Variants in SALL2 observed in about 807,000 individuals in gnomAD.
SALL2 encodes the protein spalt like transcription factor 2, also known as sal-like protein 2.
Under a neutral mutation model 58.5 loss-of-function variants are expected in SALL2, and 32 were observed. The ratio of observed to expected loss-of-function variants is 0.55; its 90% CI spans 0.41 to 0.74. SALL2 has a LOEUF of 0.74. SALL2 is among the 30% of genes least tolerant of loss of function. The pLI is 0.00. For synonymous variants in SALL2, 516 were observed against 513.6 expected (o/e 1.00, Z -0.06); for missense variants, 1,201 against 1,268.9 (o/e 0.95, Z 0.81).
chr14:21,523,359 C>G lies in SALL2; in HGVS notation c.2363G>C (p.Ser788Thr). The change falls in exon 2 of 2, where the codon AGT becomes ACT. Residue 788 changes from serine to threonine, a missense_variant. Transcript: ENST00000537235. This position sits in a 1 kb window ranked among gnomAD's most constrained non-coding sequence, Gnocchi z 4.4. ...CACTGATATTGCCTTCTCACCTCCA[C>G]TCTCTGAGCCTCTCCCTGCCAGGGA... is the stretch of plus-strand genomic sequence containing the variant. Reference protein sequence around the residue: ...EDSLAGRGSESGGEKAISVRG... With the variant: ...EDSLAGRGSETGGEKAISVRG... 2.5e-6 allele frequency: 4 copies of G among 1,613,642 alleles called. No individual in the cohort carries two copies. The highest frequency in any genetic ancestry group is 3.4e-6 in the Non-Finnish European group (4 of 1,180,030).
chr14:21,522,159 G>A lies in SALL2; in HGVS notation c.*545C>T. ...TCCTAGGCCAAACAGCACTGGTGGG[G>A]CCAGGCTTGGAGTGGTAGTGGAGGT... On this transcript the variant is annotated 3_prime_UTR_variant, in exon 2 of 2. Transcript: ENST00000537235. 1.3e-6 allele frequency: 2 copies of A among 1,597,924 alleles called. No individual in the cohort carries two copies. Among genetic ancestry groups the A allele is most frequent in the Non-Finnish European group, 1.7e-6 (2 of 1,179,646 alleles).
rs1892059243 is a variant in SALL2, at chr14:21,522,135, C to T, written c.*569G>A. On this transcript the variant is annotated 3_prime_UTR_variant, in exon 2 of 2. Transcript: ENST00000537235. ...TGGAGGCACCTTCCCAGCCACAGTT[C>T]CTAGGCCAAACAGCACTGGTGGGGC... 3.1e-6 allele frequency: 5 copies of T among 1,597,862 alleles called. No individual in the cohort carries two copies. The highest frequency in any genetic ancestry group is 4.2e-6 in the Non-Finnish European group (5 of 1,179,684).
upstream of SALL2, among the ~76,000 whole-genome samples, chr14:21,530,639 T>C (rs1342418796): frequency 6.6e-6 from 1 of 152,178 alleles, no homozygotes; most frequent in Non-Finnish European, 1.5e-5. Flanking sequence ...AGTTCAAGCA[T>C]CATCCACCCA....
chr14:21,523,884 G>C lies in SALL2; in HGVS notation c.1838C>G (p.Pro613Arg). The C allele has an allele frequency of 6.2e-7, 1 of 1,614,202 alleles. No homozygotes were observed. The highest frequency in any genetic ancestry group is 8.5e-7 in the Non-Finnish European group (1 of 1,180,044). The change falls in exon 2 of 2, where the codon CCC (proline) becomes CGC (arginine). Residue 613 changes from proline to arginine, a missense_variant. Coordinates refer to ENST00000537235, the MANE Select transcript of SALL2 (RefSeq NM_001364564.1). The surrounding 1 kb of genome is among the most constrained non-coding windows in gnomAD (Gnocchi z 4.4). ...TGAAGGTGCAGGGGCAGAGGTGGTG[G>C]GGGCTCCTGAGGCAGCTGAGGTCAC... is the stretch of plus-strand genomic sequence containing the variant. ...VAVTSAASGA[P>R]TTSAPAPSSS...
At chr14:21,536,530 T>TAG (rs1439790365) in intron 1 of SALL2, among the ~76,000 whole-genome samples, 1 of 152,164 alleles carries the variant, frequency 6.6e-6, no homozygotes, top group African/African-American at 2.4e-5. Context: ...GGACGTTACT[T>TAG]AGCAACGGCA....
rs534509035 is a variant in SALL2 at position 21,524,285 on chromosome 14, T to C, written c.1437A>G (p.Thr479=). 2.5e-6 allele frequency: 4 copies of C among 1,614,026 alleles called. No individual in the cohort carries two copies. In the Admixed American group the frequency reaches 5.0e-5, roughly 20 times the overall value. The part of the protein sequence containing the change: ...GVERKPLVAS[T]TALSATESLT... ...GGCTCTCTGTGGCACTGAGTGCTGTTGTGGAGGCCACCAGAGGCTTGCGCT... is the reference window on the plus strand; with the variant it reads ...GGCTCTCTGTGGCACTGAGTGCTGTCGTGGAGGCCACCAGAGGCTTGCGCT... The change falls in exon 2 of 2, where the codon ACA becomes ACG. Residue 479 remains threonine, a synonymous_variant. Coordinates refer to ENST00000537235, the MANE Select transcript of SALL2 (RefSeq NM_001364564.1).
chr14:21,536,747 C>T lies in SALL2; in HGVS notation c.-114+215G>A, dbSNP rs1368763449. Reference sequence around the variant, plus strand: ...TTCAAACCCCCAGTGACCAAGTCCGCCCCCGCCTGGTTTCGCCCATGGCCC... The same window carrying T: ...TTCAAACCCCCAGTGACCAAGTCCGTCCCCGCCTGGTTTCGCCCATGGCCC... On this transcript the variant is annotated intron_variant, in intron 1 of 1. Transcript: ENST00000541965. 11 of 868,706 alleles carry T rather than the reference C, an allele frequency of 1.3e-5. 1 individual carries two copies. The Admixed American group carries it at 1.3e-4, about 10-fold the overall frequency. 53.8% of individuals were successfully genotyped at this position (868,706 alleles called of 1,614,324 possible). A position where few individuals can be genotyped will look rare whatever the true frequency, so the allele number is the denominator to read the frequency against.
At position 21,524,667 on chromosome 14, in the gene SALL2, C is replaced by T; in HGVS notation, c.1055G>A (p.Ser352Asn). 11 of 1,614,108 alleles carry T rather than the reference C, an allele frequency of 6.8e-6. No individual in the cohort carries two copies. Among genetic ancestry groups the T allele is most frequent in the Non-Finnish European group, 9.3e-6 (11 of 1,180,026 alleles). The change falls in exon 2 of 2, where the codon AGT (serine) becomes AAT (asparagine). Residue 352 changes from serine to asparagine, a missense_variant. Ser to Asn is a conservative substitution (Grantham distance 46). This residue lies in a region of SALL2 where 467 missense variants were observed against 468.9 expected (regional missense o/e 1.00). Coordinates refer to ENST00000537235, the MANE Select transcript of SALL2 (RefSeq NM_001364564.1). Reference protein sequence around the residue: ...SPGLLKPKNGSGELSYGEVMG... With the variant: ...SPGLLKPKNGNGELSYGEVMG... ...CACTTCTCCGTAGCTCAGCTCACCA[C>T]TTCCATTCTTTGGCTTCAGGAGCCC... is the stretch of plus-strand genomic sequence containing the variant.
Position 21,524,149 on chromosome 14 carries a change from T to G in SALL2, c.1573A>C (p.Thr525Pro), listed in dbSNP as rs1594459439. Reference sequence around the variant, plus strand: ...GCTGAGCCCTCACTCCCTGGGGGGGTGTTTTCATCAGCTTTATTCTTGGGT... The same window carrying G: ...GCTGAGCCCTCACTCCCTGGGGGGGGGTTTTCATCAGCTTTATTCTTGGGT... ...VEPKNKADEN[T>P]PPGSEGSAIS... Residue 525 changes from threonine to proline, a missense_variant, in exon 2 of 2, where the codon ACC becomes CCC. Physicochemically the swap from Thr to Pro is conservative, Grantham distance 38. Transcript: ENST00000537235. 6.2e-7 allele frequency: 1 copy of G among 1,611,710 alleles called. No homozygotes were observed. The highest frequency in any genetic ancestry group is 8.5e-7 in the Non-Finnish European group (1 of 1,178,938).
chr14:21,525,589 T>C lies in SALL2; in HGVS notation c.133A>G (p.Thr45Ala), dbSNP rs750803549. 5.0e-6 allele frequency: 8 copies of C among 1,611,986 alleles called. No homozygotes were observed. In the African/African-American group the frequency reaches 5.3e-5, roughly 11 times the overall value. ...AKCCAQFTDP[T>A]EFLAHQNACS... ...GCGTTCTGGTGGGCGAGGAATTCAG[T>C]TGGGTCAGTGAATTGTGCGCAGCAC... Residue 45 changes from threonine (T) to alanine (A), a missense_variant, in exon 2 of 2, where the codon ACT (threonine) becomes GCT (alanine). Thr to Ala is a moderately conservative substitution (Grantham distance 58). Transcript: ENST00000537235. This position sits in a 1 kb window ranked among gnomAD's most constrained non-coding sequence, Gnocchi z 4.4.
chr14:21,531,710 C>T (rs8011496), intron 1 of SALL2, among the ~76,000 whole-genome samples: 48,508 of 128,950 alleles, frequency 0.38, 8,969 homozygotes, highest in Middle Eastern at 0.58. Context: ...CCTGGCCAGC[C>T]TTTTTTTTTT....
chr14:21,526,373 T>TA (rs1892313708), upstream of SALL2: 1 of 1,326,226 alleles, frequency 7.5e-7, no homozygotes, highest in African/African-American at 1.6e-5. Flanking sequence ...GAGGGGAGTT[T>TA]ATGGGGAGGA....
At chr14:21,528,470 C>T (rs1194866470), upstream of SALL2, among the ~76,000 whole-genome samples, 2 of 152,140 alleles carry the variant, frequency 1.3e-5, no homozygotes, top group Admixed American at 1.3e-4. Context: ...TGTTTTTAAA[C>T]TTAAAACAGT....
chr14:21,526,002 C>G, intron 1 of SALL2, 59 bp downstream of exon 1: 8 of 1,173,004 alleles, frequency 6.8e-6, no homozygotes, highest in Non-Finnish European at 9.8e-6. Flanking sequence ...AAGTCTTCGC[C>G]GCCCCTGCGC....
In SALL2 at chr14:21,522,972, G is replaced by T. The variant is rs550815010; in HGVS notation, c.2750C>A (p.Ala917Asp). 21 of 1,614,086 alleles carry T rather than the reference G, an allele frequency of 1.3e-5. No individual in the cohort carries two copies. Among genetic ancestry groups the T allele is most frequent in the Non-Finnish European group, 1.7e-5 (20 of 1,180,026 alleles). Reference protein sequence around the residue: ...SRKACEVCGQAFPSQAALEEH... With the variant: ...SRKACEVCGQDFPSQAALEEH... Reference sequence around the variant, plus strand: ...CTCCAGAGCTGCCTGGGAGGGAAAGGCCTGGCCACACACTTCGCAGGCCTT... The same window carrying T: ...CTCCAGAGCTGCCTGGGAGGGAAAGTCCTGGCCACACACTTCGCAGGCCTT... The change falls in exon 2 of 2, where the codon GCC (alanine) becomes GAC (aspartate). Residue 917 changes from alanine to aspartate, a missense_variant. By Grantham distance (126) the Ala-to-Asp change is moderately radical. Around this residue, in one of 3 missense-constraint regions of SALL2, gnomAD observed 675 missense variants for 683.8 expected, o/e 0.99. Transcript: ENST00000537235.
In SALL2 at chr14:21,524,543, G is replaced by A; in HGVS notation, c.1179C>T (p.His393=). ...TGCACTTATAGGGCCTCTCACCCGT[G>A]TGGGAACGAAGGTGGATCTGCAGGG... ...DSALQIHLRS[H]TGERPYKCNV... The change falls in exon 2 of 2, where the codon CAC becomes CAT. Residue 393 remains histidine, a synonymous_variant. Transcript: ENST00000537235. 2 of 1,614,280 alleles carry A rather than the reference G, an allele frequency of 1.2e-6. No homozygotes were observed. Among genetic ancestry groups the A allele is most frequent in the South Asian group, 2.2e-5 (2 of 91,090 alleles).
At chr14:21,531,266 C>A (rs1892453841), upstream of SALL2, among the ~76,000 whole-genome samples, 1 of 152,110 alleles carries the variant, frequency 6.6e-6, no homozygotes, top group African/African-American at 2.4e-5. Flanking sequence ...GAATTCATAC[C>A]ATTTTGGAGC....
Position 21,521,623 on chromosome 14 carries a change from G to T in SALL2, c.*1081C>A. ...TCCCTTACATCATGTCCCTTTCTTA[G>T]TCACATAGGTACCAGCAAGCCCTAT... On this transcript the variant is annotated 3_prime_UTR_variant, in exon 2 of 2. Transcript: ENST00000537235. 5.2e-6 allele frequency: 1 copy of T among 190,520 alleles called. No homozygotes were observed. The highest frequency in any genetic ancestry group is 1.1e-5 in the Non-Finnish European group (1 of 90,816). The allele number at this position is 190,520 out of a possible 1,614,324, so 11.8% of individuals were successfully genotyped here. A position where few individuals can be genotyped will look rare whatever the true frequency, so the allele number is the denominator to read the frequency against.
upstream of SALL2, among the ~76,000 whole-genome samples, chr14:21,526,964 G>A (rs1054045385): frequency 6.6e-6 from 1 of 150,400 alleles, no homozygotes; most frequent in South Asian, 2.1e-4. Context: ...TTCACTCCCC[G>A]CCCCTCCTCC....
Sources: allele counts gnomAD v4.1 joint callset (sites outside exome capture counted in the v4.1 genomes callset), GRCh38; gene constraint gnomAD v4.1.1; regional missense constraint gnomAD v4.1.1; non-coding constraint Gnocchi (gnomAD v3.1); transcripts MANE v1.5; gene names NCBI Gene and HGNC (gene_info 2026-07-23, HGNC 2026-07-21).